HPSE2: variants seen among roughly 807,000 people sequenced by gnomAD.
HPSE2 encodes inactive heparanase-2.
HPSE2 carries 38 observed loss-of-function variants against 60.5 expected under a neutral mutation model. That is an observed-to-expected ratio of 0.63 (90% confidence interval 0.48 to 0.82). HPSE2 has a LOEUF of 0.82. HPSE2 is among the 40% of genes least tolerant of loss of function. The pLI, the probability that HPSE2 is intolerant of heterozygous loss-of-function variation, is 0.00. For synonymous variants in HPSE2, 295 were observed against 293.2 expected, an observed-to-expected ratio of 1.01 and a Z score of -0.06; for missense variants, 713 against 740.4, an observed-to-expected ratio of 0.96 and a Z score of 0.43.
intron 3 of HPSE2, among the ~76,000 whole-genome samples, chr10:98,953,839 C>T (rs1230970937): frequency 6.6e-6 from 1 of 152,184 alleles, no homozygotes; most frequent in African/African-American, 2.4e-5. Flanking sequence ...TTCAACTCCT[C>T]TAAGCCTCAG....
chr10:98,664,762 C>T (rs147712355), intron 6 of HPSE2, among the ~76,000 whole-genome samples: 3 of 152,242 alleles, frequency 2.0e-5, no homozygotes, highest in African/African-American at 7.2e-5. Flanking sequence ...AGAGCCTTTG[C>T]CCTCTGAAAG....
At chr10:98,627,185 A>C (rs1405962227) in intron 7 of HPSE2, among the ~76,000 whole-genome samples, 1 of 152,236 alleles carries the variant, frequency 6.6e-6, no homozygotes, top group African/African-American at 2.4e-5. Context: ...CTTCAAGGAC[A>C]TAGACTCTGT....
At chr10:98,720,718 C>T (rs1336300814) in intron 5 of HPSE2, among the ~76,000 whole-genome samples, 1 of 152,146 alleles carries the variant, frequency 6.6e-6, no homozygotes, top group African/African-American at 2.4e-5. Flanking sequence ...TGGAAACAGT[C>T]CAATGCCCAA....
At chr10:99,195,315 A>G (rs1848356135) in intron 2 of HPSE2, among the ~76,000 whole-genome samples, 1 of 152,090 alleles carries the variant, frequency 6.6e-6, no homozygotes, top group Non-Finnish European at 1.5e-5. Flanking sequence ...AGACAAGTGC[A>G]CCCAATTACA....
At chr10:98,922,545 G>A (rs11189866) in intron 3 of HPSE2, among the ~76,000 whole-genome samples, 29,822 of 152,032 alleles carry the variant, frequency 0.2, 4,487 homozygotes, top group African/African-American at 0.41. Flanking sequence ...GATTTGAATT[G>A]TAAACAGAAA....
chr10:99,053,502 C>T (rs1339620932), intron 3 of HPSE2, among the ~76,000 whole-genome samples: 1 of 151,884 alleles, frequency 6.6e-6, no homozygotes, highest in African/African-American at 2.4e-5. Flanking sequence ...AACAACAAAA[C>T]GACACCTAGA....
chr10:98,654,224 C>T (rs1037250781), intron 6 of HPSE2, among the ~76,000 whole-genome samples: 8 of 152,076 alleles, frequency 5.3e-5, no homozygotes, highest in African/African-American at 1.7e-4. Flanking sequence ...CTTCCTGGAT[C>T]TGTGGTCTTA....
At chr10:98,506,371 C>T (rs149162305) in intron 9 of HPSE2, among the ~76,000 whole-genome samples, 496 of 152,266 alleles carry the variant, frequency 3.3e-3, no homozygotes, top group Non-Finnish European at 5.8e-3. Context: ...GTATGCAAAG[C>T]AATAAGGAAA....
At chr10:98,756,412 T>C (rs1176542793) in intron 3 of HPSE2, among the ~76,000 whole-genome samples, 1 of 152,006 alleles carries the variant, frequency 6.6e-6, no homozygotes, top group Non-Finnish European at 1.5e-5. Flanking sequence ...ATAAGATTGA[T>C]AGACCACTAG....
chr10:99,166,159 T>G (rs1026796497), intron 2 of HPSE2, among the ~76,000 whole-genome samples: 13 of 152,134 alleles, frequency 8.5e-5, no homozygotes, highest in African/African-American at 2.9e-4. Context: ...TATTGCTGAA[T>G]AATATTCCAT....
Position 98,933,818 on chromosome 10 carries a change from G to A in HPSE2, c.611-189762C>T, listed in dbSNP as rs112422622. On this transcript the variant is annotated intron_variant, in intron 3 of 11. Transcript: ENST00000370552. ...GTGATCTCGGCTCACTGCAAGCTCC[G>A]CCTCCTGGGTTCACGCCATTCTCCT... 1.2e-4 allele frequency among the ~76,000 whole-genome samples: 16 copies of A among 135,638 alleles called. 1 individual carries two copies. The highest frequency in any genetic ancestry group is 5.2e-4 in the Admixed American group (7 of 13,478). The allele number at this position is 135,638 out of a possible 152,430, so 89.0% of individuals were successfully genotyped here.
intron 7 of HPSE2, among the ~76,000 whole-genome samples, chr10:98,633,399 A>G (rs1172930111): frequency 6.6e-6 from 1 of 151,892 alleles, no homozygotes; most frequent in Non-Finnish European, 1.5e-5. Flanking sequence ...GTGTGTGTAG[A>G]TATGGGGTTT....
chr10:98,804,746 A>G (rs1660554646), intron 3 of HPSE2, among the ~76,000 whole-genome samples: 1 of 152,220 alleles, frequency 6.6e-6, no homozygotes, highest in African/African-American at 2.4e-5. Flanking sequence ...AACTAAAAAT[A>G]GAGCTACTAT....
chr10:98,916,766 T>C (rs1375502257), intron 3 of HPSE2, among the ~76,000 whole-genome samples: 1 of 152,264 alleles, frequency 6.6e-6, no homozygotes, highest in Non-Finnish European at 1.5e-5. Flanking sequence ...GATAGTCAGA[T>C]AATCTATTCT....
At chr10:98,818,950 G>T (rs1537889) in intron 3 of HPSE2, among the ~76,000 whole-genome samples, 111,624 of 152,150 alleles carry the variant, frequency 0.73, 41,877 homozygotes, top group Non-Finnish European at 0.83. Context: ...GGTGGATAAA[G>T]TGAGGGCAAA....
rs80206387 is a variant in HPSE2, at chr10:98,842,688, C to G, written c.611-98632G>C. On this transcript the variant is annotated intron_variant, in intron 3 of 11. Coordinates refer to ENST00000370552, the MANE Select transcript of HPSE2 (RefSeq NM_021828.5). ...GAGTGGTACATTTCTTCTGATGAAC[C>G]TACATTGATTATCATTGTCACCCAA... Among the ~76,000 whole-genome samples, 1,016 of 152,210 alleles carry G rather than the reference C, an allele frequency of 6.7e-3. 26 individuals are homozygous for G. Among genetic ancestry groups the G allele is most frequent in the Admixed American group, 0.044 (669 of 15,292 alleles).
intron 3 of HPSE2, among the ~76,000 whole-genome samples, chr10:98,775,604 A>G (rs1950323307): frequency 6.6e-6 from 1 of 152,202 alleles, no homozygotes; most frequent in Non-Finnish European, 1.5e-5. Context: ...CTGTACTAGG[A>G]ACTACTGCTA....
At position 98,931,132 on chromosome 10, in the gene HPSE2, A is replaced by T. The variant is rs1455839449; in HGVS notation, c.611-187076T>A. 2.8e-5 allele frequency among the ~76,000 whole-genome samples: 4 copies of T among 143,614 alleles called. 1 individual carries two copies. The highest frequency in any genetic ancestry group is 1.1e-4 in the African/African-American group (4 of 35,254). 94.2% of individuals were successfully genotyped at this position (143,614 alleles called of 152,430 possible). A position where few individuals can be genotyped will look rare whatever the true frequency, so the allele number is the denominator to read the frequency against. On this transcript the variant is annotated intron_variant, in intron 3 of 11. Coordinates refer to ENST00000370552, the MANE Select transcript of HPSE2 (RefSeq NM_021828.5). ...ACATTTAAGTCTTTAATCCATCTTG[A>T]GTTAATTTTTGTAAAAGGTGTAAGG...
rs1204701855 is a variant in HPSE2 at position 98,937,261 on chromosome 10, C to T, written c.611-193205G>A. ...AGGACAGTGGGTGCAGCGCACCGTG[C>T]GCAAGCTGAAGCAGGGCAAGGCATT... On this transcript the variant is annotated intron_variant, in intron 3 of 11. Transcript: ENST00000370552. Among the ~76,000 whole-genome samples the T allele has an allele frequency of 1.0e-4, 15 of 143,920 alleles. 2 individuals are homozygous for T. Among genetic ancestry groups the T allele is most frequent in the African/African-American group, 2.0e-4 (7 of 35,406 alleles). The allele number at this position is 143,920 out of a possible 152,430, so 94.4% of individuals were successfully genotyped here. A position where few individuals can be genotyped will look rare whatever the true frequency, so the allele number is the denominator to read the frequency against.
Sources: gnomAD v4.1 joint callset for allele counts (sites outside exome capture counted in the v4.1 genomes callset) on GRCh38, gnomAD v4.1.1 for gene constraint, MANE v1.5 for transcripts, NCBI Gene and HGNC (gene_info 2026-07-23, HGNC 2026-07-21) for gene names.